The following FBN2 variants were observed in gnomAD, a reference collection of about 807,000 sequenced individuals.
The protein encoded by FBN2 is fibrillin-2.
In FBN2, 105 loss-of-function variants were observed where a neutral mutation model predicts 355.6. That is an observed-to-expected ratio of 0.30 (90% CI 0.25 to 0.35). FBN2 has a LOEUF of 0.35. FBN2 is among the 10% of genes least tolerant of loss of function. The pLI, the probability that FBN2 is intolerant of heterozygous loss-of-function variation, is 1.00. For missense variants in FBN2, 3,280 were observed against 3,758.7 expected, an observed-to-expected ratio of 0.87 and a Z score of 3.33; for synonymous variants, 1,350 against 1,301.2, an observed-to-expected ratio of 1.04 and a Z score of -0.81.
Position 128,350,939 on chromosome 5 carries a change from G to A in FBN2, c.2741C>T (p.Ala914Val). The stretch of plus-strand genomic sequence containing the variant: ...GGCACAGCATTCAGATTTCAGAGTG[G>A]CTCCATTAATATTCACCTCACAGCG... ...DSRCEVNING[A>V]TLKSECCATL... The change falls in exon 21 of 65, where the codon GCC becomes GTC. Residue 914 changes from alanine (A) to valine (V), a missense_variant. Ala to Val is a moderately conservative substitution (Grantham distance 64). Around this residue, in one of 6 missense-constraint regions of FBN2, gnomAD observed 2,284 missense variants for 2,749.5 expected, o/e 0.83. Coordinates refer to ENST00000262464, the MANE Select transcript of FBN2 (RefSeq NM_001999.4). 1 of 1,614,096 alleles carries A rather than the reference G, an allele frequency of 6.2e-7. No individual in the cohort carries two copies. Among genetic ancestry groups the A allele is most frequent in the Non-Finnish European group, 8.5e-7 (1 of 1,179,986 alleles).
chr5:128,312,908 G>T (rs1750097619), intron 36 of FBN2, 113 bp from the exon 37 acceptor site: 3 of 1,202,764 alleles, frequency 2.5e-6, no homozygotes, highest in East Asian at 4.6e-5. Context: ...AACATGAAAG[G>T]TTCCTTTTAA....
At chr5:128,462,276 A>C (rs1460656844) in intron 6 of FBN2, among the ~76,000 whole-genome samples, 1 of 152,176 alleles carries the variant, frequency 6.6e-6, no homozygotes, top group Non-Finnish European at 1.5e-5. Flanking sequence ...TTTTAATGAC[A>C]TATATGCACC....
intron 7 of FBN2, among the ~76,000 whole-genome samples, chr5:128,417,410 T>C (rs142291806): frequency 1.6e-3 from 241 of 152,280 alleles, no homozygotes; most frequent in African/African-American, 5.5e-3. Flanking sequence ...GTGGTGAATG[T>C]AGGCATCGTC....
At position 128,312,644 on chromosome 5, in the gene FBN2, A is replaced by AG. The variant is rs755099469; in HGVS notation, c.4868dup (p.Val1624CysfsTer3). On this transcript the variant is annotated frameshift_variant, in exon 37 of 65. Coordinates refer to ENST00000262464, the MANE Select transcript of FBN2 (RefSeq NM_001999.4). LOFTEE classifies it high-confidence loss of function. ...CAGCTTTGTACTTACTGCTATTGAC[A>AG]GGGGGGCATGTCTCACAGGGGTTTC... 3.7e-6 allele frequency: 6 copies of AG among 1,613,852 alleles called. No homozygotes were observed. Among genetic ancestry groups the AG allele is most frequent in the East Asian group, 2.2e-5 (1 of 44,870 alleles).
intron 2 of FBN2, among the ~76,000 whole-genome samples, chr5:128,534,189 A>G (rs1194722357): frequency 6.6e-6 from 1 of 152,116 alleles, no homozygotes; most frequent in African/African-American, 2.4e-5. Context: ...TTTTTTGTAA[A>G]TGGTCTCAGA....
intron 19 of FBN2, among the ~76,000 whole-genome samples, chr5:128,358,744 A>C (rs1394495537): frequency 6.6e-6 from 1 of 152,104 alleles, no homozygotes; most frequent in African/African-American, 2.4e-5. Flanking sequence ...CCATAAAAGA[A>C]GCAGATAACA....
chr5:128,358,663 T>G (rs1751563940), intron 19 of FBN2, among the ~76,000 whole-genome samples: 1 of 152,072 alleles, frequency 6.6e-6, no homozygotes, highest in Non-Finnish European at 1.5e-5. Context: ...AGCACAGATT[T>G]CTAATGAAAA....
chr5:128,435,052 G>A (rs1385794321), intron 7 of FBN2, among the ~76,000 whole-genome samples: 2 of 151,830 alleles, frequency 1.3e-5, no homozygotes, highest in African/African-American at 4.8e-5. Context: ...AACATACAAT[G>A]GCACTAGGGA....
chr5:128,423,242 G>C (rs1753398262), intron 7 of FBN2, among the ~76,000 whole-genome samples: 1 of 152,106 alleles, frequency 6.6e-6, no homozygotes, highest in South Asian at 2.1e-4. Flanking sequence ...CAAAGGCCAG[G>C]TGTATTAGTC....
At chr5:128,472,352 G>A (rs1323576074) in intron 5 of FBN2, among the ~76,000 whole-genome samples, 9 of 152,102 alleles carry the variant, frequency 5.9e-5, no homozygotes. Context: ...GTTGGCAGGG[G>A]TTTGGGGTGG....
chr5:128,488,851 T>C (rs1755420599), intron 5 of FBN2, among the ~76,000 whole-genome samples: 1 of 151,970 alleles, frequency 6.6e-6, no homozygotes, highest in South Asian at 2.1e-4. Context: ...TATGGCTGCA[T>C]GGTATTCCAT....
chr5:128,259,720 A>C lies in FBN2; in HGVS notation c.8474T>G (p.Ile2825Ser). ...KEHILELRPA[I>S]QPLNNHIRYV... The stretch of plus-strand genomic sequence containing the variant: ...ACGGATGTGGTTGTTGAGGGGCTGG[A>C]TGGCGGGCCTTAGTTCCAGGATGTG... Residue 2825 changes from isoleucine to serine, a missense_variant, in exon 65 of 65, where the codon ATC (isoleucine) becomes AGC (serine). By Grantham distance (142) the Ile-to-Ser change is moderately radical. This residue lies in a region of FBN2 where 311 missense variants were observed against 319.1 expected (regional missense o/e 0.97). Coordinates refer to ENST00000262464, the MANE Select transcript of FBN2 (RefSeq NM_001999.4). 1 of 1,613,834 alleles carries C rather than the reference A, an allele frequency of 6.2e-7. No homozygotes were observed. The highest frequency in any genetic ancestry group is 8.5e-7 in the Non-Finnish European group (1 of 1,179,924).
At chr5:128,441,704 G>C (rs11741832) in intron 7 of FBN2, among the ~76,000 whole-genome samples, 24,768 of 152,162 alleles carry the variant, frequency 0.16, 2,159 homozygotes, top group Non-Finnish European at 0.21. Flanking sequence ...TGGTAAGTGA[G>C]GAATAAATTA....
chr5:128,267,675 T>C (rs1402698934), intron 62 of FBN2, among the ~76,000 whole-genome samples: 4 of 152,206 alleles, frequency 2.6e-5, no homozygotes, highest in Admixed American at 2.6e-4. Flanking sequence ...GTTTTTGTAT[T>C]TTTCCCACAA....
At chr5:128,307,644 T>C (rs191220331) in intron 41 of FBN2, among the ~76,000 whole-genome samples, 3 of 151,098 alleles carry the variant, frequency 2.0e-5, no homozygotes, top group South Asian at 2.1e-4. Context: ...AGGTAAACAA[T>C]GTATAATGAA....
intron 5 of FBN2, among the ~76,000 whole-genome samples, chr5:128,514,024 A>ATATGTG (rs1554075095): frequency 2.3e-5 from 2 of 87,112 alleles, no homozygotes; most frequent in Non-Finnish European, 2.0e-5. Context: ...AAGTGCAGAA[A>ATATGTG]TGTGTGTGTG....
At chr5:128,495,173 A>C (rs916790250) in intron 5 of FBN2, among the ~76,000 whole-genome samples, 1 of 151,002 alleles carries the variant, frequency 6.6e-6, no homozygotes, top group African/African-American at 2.5e-5. Flanking sequence ...CCCTGGAGAT[A>C]ATCAAGAGTA....
At chr5:128,355,055 G>A (rs1751465313) in intron 20 of FBN2, among the ~76,000 whole-genome samples, 1 of 152,194 alleles carries the variant, frequency 6.6e-6, no homozygotes. Flanking sequence ...GGAGGATAGG[G>A]AGGACTCAGT....
At chr5:128,439,486 C>T (rs1753860851) in intron 7 of FBN2, among the ~76,000 whole-genome samples, 1 of 152,066 alleles carries the variant, frequency 6.6e-6, no homozygotes, top group Admixed American at 6.6e-5. Context: ...ATTCTAAATA[C>T]ACTCTGCTTA....
Sources: gnomAD v4.1 joint callset for allele counts (sites outside exome capture counted in the v4.1 genomes callset) on GRCh38, gnomAD v4.1.1 for gene constraint, gnomAD v4.1.1 regional missense constraint, MANE v1.5 for transcripts, NCBI Gene and HGNC (gene_info 2026-07-23, HGNC 2026-07-21) for gene names.